SGCD: variants seen among roughly 807,000 people sequenced by gnomAD.
The protein encoded by SGCD is delta-sarcoglycan.
Under a neutral mutation model 36.6 loss-of-function variants are expected in SGCD, and 18 were observed. The ratio of observed to expected loss-of-function variants is 0.49; its 90% confidence interval spans 0.34 to 0.73. The LOEUF is 0.73. Ranked by LOEUF, SGCD falls within the 30% of genes least tolerant of loss-of-function variation. The pLI is 0.01. For synonymous variants in SGCD, 133 were observed against 130.6 expected (o/e 1.02, Z -0.12); for missense variants, 387 against 346.7 (o/e 1.12, Z -0.92).
chr5:155,932,141 C>CAT (rs1214611713), intron 1 of SGCD, among the ~76,000 whole-genome samples: 1 of 152,180 alleles, frequency 6.6e-6, no homozygotes, highest in Non-Finnish European at 1.5e-5. Flanking sequence ...ACATTCAGAT[C>CAT]ATAGCACAAG....
chr5:155,777,785 T>A, the SGCD span, among the ~76,000 whole-genome samples: 2 of 152,154 alleles, frequency 1.3e-5, no homozygotes, highest in Non-Finnish European at 2.9e-5. Context: ...AGAGGTTGTT[T>A]CTGAGTTTTT....
intron 3 of SGCD, among the ~76,000 whole-genome samples, chr5:156,199,321 C>T (rs956939818): frequency 3.2e-4 from 49 of 152,244 alleles, no homozygotes; most frequent in Non-Finnish European, 6.9e-4. Flanking sequence ...TGGCTATTGG[C>T]CCCAAATCAG....
At chr5:155,764,488 G>A in the SGCD span, among the ~76,000 whole-genome samples, 1 of 152,166 alleles carries the variant, frequency 6.6e-6, no homozygotes, top group Non-Finnish European at 1.5e-5. Flanking sequence ...GATCTGCTCT[G>A]CATTTGTTCA....
intron 3 of SGCD, among the ~76,000 whole-genome samples, chr5:156,488,098 GTTTT>G (rs559483068): frequency 0.055 from 5,106 of 92,518 alleles, 317 homozygotes; most frequent in African/African-American, 0.13. Context: ...TTGAAGACAG[GTTTT>G]TTTTTTTTTT....
chr5:156,416,136 A>G (rs761844503), intron 3 of SGCD, among the ~76,000 whole-genome samples: 5 of 152,184 alleles, frequency 3.3e-5, no homozygotes, highest in African/African-American at 4.8e-5. Context: ...CCATCAATCA[A>G]GTGGATAAAG....
chr5:156,742,122 C>A lies in SGCD; in HGVS notation c.576-15459C>A, dbSNP rs544920502. 2.6e-5 allele frequency among the ~76,000 whole-genome samples: 4 copies of A among 152,234 alleles called. No homozygotes were observed. The East Asian group carries it at 7.7e-4, about 29-fold the overall frequency. On this transcript the variant is annotated intron_variant, in intron 7 of 8. Coordinates refer to ENST00000337851, the MANE Select transcript of SGCD (RefSeq NM_000337.6). ...CGATCTCCTGACCTCGTGATCCACC[C>A]GCCTCGGCCTCCCAAAGTGCTGGGA...
intron 4 of SGCD, among the ~76,000 whole-genome samples, chr5:156,557,435 T>C (rs553631438): frequency 6.6e-6 from 1 of 152,272 alleles, no homozygotes; most frequent in South Asian, 2.1e-4. Flanking sequence ...AGTACTATTA[T>C]GGAATATCAT....
chr5:156,047,071 C>T (rs1367495426), intron 1 of SGCD, among the ~76,000 whole-genome samples: 1 of 152,152 alleles, frequency 6.6e-6, no homozygotes, highest in African/African-American at 2.4e-5. Context: ...CCAGCCACAA[C>T]ATTTCTTTAA....
intron 1 of SGCD, among the ~76,000 whole-genome samples, chr5:156,056,668 G>T: frequency 1.2e-5 from 1 of 81,216 alleles, no homozygotes; most frequent in African/African-American, 9.8e-5. Context: ...AAAAAAAACA[G>T]TCTCCAAATT....
the SGCD span, among the ~76,000 whole-genome samples, chr5:155,743,195 G>A: frequency 6.6e-6 from 1 of 152,056 alleles, no homozygotes; most frequent in Non-Finnish European, 1.5e-5. Flanking sequence ...GATTATAAAG[G>A]CTCAACCCTA....
In SGCD at chr5:156,758,223, A is replaced by G. The variant is rs556807370; in HGVS notation, c.699+519A>G. Among the ~76,000 whole-genome samples, 197 of 152,322 alleles carry G rather than the reference A, an allele frequency of 1.3e-3. 1 individual carries two copies. Among genetic ancestry groups the G allele is most frequent in the African/African-American group, 4.5e-3 (189 of 41,572 alleles). On this transcript the variant is annotated intron_variant, in intron 8 of 8. Coordinates refer to ENST00000337851, the MANE Select transcript of SGCD (RefSeq NM_000337.6). ...CAGATATTCATTCTCTTATGCCAAC[A>G]CAGTCCCAGCTGGGTGAACAGAAAT...
chr5:156,724,913 T>A (rs937526497), intron 7 of SGCD, among the ~76,000 whole-genome samples: 3 of 152,194 alleles, frequency 2.0e-5, no homozygotes, highest in Non-Finnish European at 2.9e-5. Flanking sequence ...ATGTGTTTGT[T>A]TTTTTGTACT....
At position 156,444,166 on chromosome 5, in the gene SGCD, C is replaced by G. The variant is rs983715416; in HGVS notation, c.193-64435C>G. ...TCCCTTTCTCTCTCTCCTTCCCTCT[C>G]TCTCTCTCCTTCCCTCTCTCTCTCC... On this transcript the variant is annotated intron_variant, in intron 3 of 8. Transcript: ENST00000337851. Among the ~76,000 whole-genome samples the G allele has an allele frequency of 1.2e-4, 17 of 140,174 alleles. No individual in the cohort carries two copies. The South Asian group carries it at 2.1e-3, about 17-fold the overall frequency. The allele number at this position is 140,174 out of a possible 152,430, so 92.0% of individuals were successfully genotyped here.
At chr5:156,071,868 C>T (rs1342679487) in intron 1 of SGCD, among the ~76,000 whole-genome samples, 1 of 152,014 alleles carries the variant, frequency 6.6e-6, no homozygotes, top group Non-Finnish European at 1.5e-5. Context: ...TGAATTGATC[C>T]CTTTACCATT....
chr5:156,757,745 T>G, intron 8 of SGCD, 41 bp downstream of exon 8: 1 of 1,584,446 alleles, frequency 6.3e-7, no homozygotes, highest in African/African-American at 1.3e-5. Flanking sequence ...AGCTACAGCT[T>G]CAACAGGCCA....
At chr5:156,581,310 C>G (rs1291958278) in intron 4 of SGCD, among the ~76,000 whole-genome samples, 2 of 152,140 alleles carry the variant, frequency 1.3e-5, no homozygotes, top group Non-Finnish European at 2.9e-5. Context: ...AGAGGGGCAC[C>G]TGCCTGTATG....
chr5:156,212,047 A>G (rs895361422), intron 3 of SGCD, among the ~76,000 whole-genome samples: 2 of 152,218 alleles, frequency 1.3e-5, no homozygotes, highest in African/African-American at 2.4e-5. Flanking sequence ...AAAGCTTAAC[A>G]CTAGAGAAAA....
At chr5:156,655,369 G>C (rs570376177) in intron 7 of SGCD, among the ~76,000 whole-genome samples, 1 of 152,078 alleles carries the variant, frequency 6.6e-6, no homozygotes, top group Admixed American at 6.6e-5. Flanking sequence ...CAGATTTAAG[G>C]CCTCTGGCAT....
At position 156,210,857 on chromosome 5, in the gene SGCD, A is replaced by G. The variant is rs10045773; in HGVS notation, c.-44+86838A>G. Among the ~76,000 whole-genome samples, 502 of 152,282 alleles carry G rather than the reference A, an allele frequency of 3.3e-3. 4 individuals carry two copies. The highest frequency in any genetic ancestry group is 0.011 in the African/African-American group (473 of 41,578). On this transcript the variant is annotated intron_variant, in intron 3 of 9. Coordinates refer to the SGCD transcript ENST00000517913. ...CAAATGTGCAAGTTACAGGAGTTCC[A>G]GAAGTAAAAGAGAGAGAAAATGGGG... is the stretch of plus-strand genomic sequence containing the variant.
Sources: allele counts gnomAD v4.1 joint callset (sites outside exome capture counted in the v4.1 genomes callset), GRCh38; gene constraint gnomAD v4.1.1; transcripts MANE v1.5; gene names NCBI Gene and HGNC (gene_info 2026-07-23, HGNC 2026-07-21).